Variants in GABRB1 observed in about 807,000 individuals in gnomAD.
The protein encoded by GABRB1 is gamma-aminobutyric acid type A receptor subunit beta1.
A neutral mutation model predicts 51.6 loss-of-function variants in GABRB1; 17 were observed. The ratio of observed to expected loss-of-function variants is 0.33; its 90% confidence interval spans 0.23 to 0.49. The LOEUF (loss-of-function observed/expected upper bound fraction) is 0.49. Ranked by LOEUF, GABRB1 falls within the 20% of genes least tolerant of loss-of-function variation. The probability of loss-of-function intolerance (pLI) is 0.99; values close to 1 mark genes in which losing one functional copy is unlikely to be tolerated. For missense variants in GABRB1, 410 were observed against 600.6 expected (o/e 0.68, Z 3.32); for synonymous variants, 247 against 218.9 (o/e 1.13, Z -1.14).
At chr4:47,081,336 T>C (rs1727833519) in intron 3 of GABRB1, among the ~76,000 whole-genome samples, 1 of 152,188 alleles carries the variant, frequency 6.6e-6, no homozygotes, top group South Asian at 2.1e-4. Flanking sequence ...TGCAGAATTA[T>C]GGTAACCTCA....
intron 4 of GABRB1, among the ~76,000 whole-genome samples, chr4:47,252,796 G>A (rs1304264250): frequency 6.6e-6 from 1 of 151,986 alleles, no homozygotes; most frequent in Admixed American, 6.6e-5. Context: ...GGGATTACAG[G>A]CATGAGCCAC....
intron 3 of GABRB1, among the ~76,000 whole-genome samples, chr4:47,084,985 G>C (rs1462887631): frequency 2.6e-5 from 4 of 152,100 alleles, no homozygotes; most frequent in African/African-American, 9.7e-5. Flanking sequence ...AGCCAAAAAA[G>C]GTGCAGCTGG....
At chr4:47,298,351 C>T (rs1171155895) in intron 4 of GABRB1, among the ~76,000 whole-genome samples, 2 of 151,726 alleles carry the variant, frequency 1.3e-5, no homozygotes, top group African/African-American at 4.8e-5. Flanking sequence ...ATCATCTCAG[C>T]CCAAAATCTC....
At chr4:47,009,253 T>C (rs1724512675) in intron 1 of GABRB1, among the ~76,000 whole-genome samples, 1 of 150,628 alleles carries the variant, frequency 6.6e-6, no homozygotes, top group African/African-American at 2.4e-5. Flanking sequence ...TTAAATTTTA[T>C]ATAAATTATG....
At chr4:47,268,294 A>G (rs1328790881) in intron 4 of GABRB1, among the ~76,000 whole-genome samples, 3 of 152,198 alleles carry the variant, frequency 2.0e-5, no homozygotes, top group Non-Finnish European at 4.4e-5. Flanking sequence ...GAATTGTTAG[A>G]CACCCTGTTG....
chr4:47,151,680 T>A (rs1380475170), intron 3 of GABRB1, among the ~76,000 whole-genome samples: 1 of 152,056 alleles, frequency 6.6e-6, no homozygotes, highest in African/African-American at 2.4e-5. Flanking sequence ...ATGGAAACAC[T>A]AATATCCTAT....
At chr4:47,138,427 A>G (rs1032454960) in intron 3 of GABRB1, among the ~76,000 whole-genome samples, 7 of 152,054 alleles carry the variant, frequency 4.6e-5, no homozygotes, top group Admixed American at 3.9e-4. Flanking sequence ...CAGTCTATGC[A>G]GTTCTGATGG....
chr4:47,357,215 C>T (rs975962934), intron 5 of GABRB1, among the ~76,000 whole-genome samples: 1 of 152,172 alleles, frequency 6.6e-6, no homozygotes, highest in Non-Finnish European at 1.5e-5. Context: ...TAAACCAATT[C>T]AACACATACA....
chr4:47,124,365 G>T (rs1236739927), intron 3 of GABRB1, among the ~76,000 whole-genome samples: 1 of 152,084 alleles, frequency 6.6e-6, no homozygotes, highest in African/African-American at 2.4e-5. Context: ...GCATGAGAAG[G>T]TCTGTACCTG....
intron 5 of GABRB1, among the ~76,000 whole-genome samples, chr4:47,387,052 G>A (rs1278790363): frequency 6.6e-6 from 1 of 152,134 alleles, no homozygotes; most frequent in Non-Finnish European, 1.5e-5. Context: ...AATCTTACAG[G>A]GCTCTGTCTT....
chr4:47,268,257 A>T (rs1722718352), intron 4 of GABRB1, among the ~76,000 whole-genome samples: 1 of 152,208 alleles, frequency 6.6e-6, no homozygotes, highest in South Asian at 2.1e-4. Context: ...AACAAAATGA[A>T]ATAGTAAACT....
chr4:47,407,001 T>G lies in GABRB1; in HGVS notation c.1080+75T>G, dbSNP rs1728597584. Reference sequence around the variant, plus strand: ...CATGATGCCTCGGGCTCTCATAACTTAAAAACGATTAATAAAAAAATAGTT... The same window carrying G: ...CATGATGCCTCGGGCTCTCATAACTGAAAAACGATTAATAAAAAAATAGTT... On this transcript the variant is annotated intron_variant, in intron 8 of 8. Coordinates refer to ENST00000295454, the MANE Select transcript of GABRB1 (RefSeq NM_000812.4). 3.0e-6 allele frequency: 4 copies of G among 1,345,082 alleles called. No homozygotes were observed. In the South Asian group the frequency reaches 5.5e-5, roughly 18 times the overall value. The allele number at this position is 1,345,082 out of a possible 1,614,324, so 83.3% of individuals were successfully genotyped here.
intron 3 of GABRB1, among the ~76,000 whole-genome samples, chr4:47,046,535 T>C (rs923703879): frequency 6.6e-6 from 1 of 152,036 alleles, no homozygotes; most frequent in Non-Finnish European, 1.5e-5. Context: ...GAAGTCATAA[T>C]TGACCACTAA....
chr4:47,023,917 GTTCTT>G (rs1725008340), intron 1 of GABRB1, among the ~76,000 whole-genome samples: 1 of 151,702 alleles, frequency 6.6e-6, no homozygotes, highest in African/African-American at 2.4e-5. Flanking sequence ...CTTTTTCTCT[GTTCTT>G]TTCTTATGTA....
intron 4 of GABRB1, among the ~76,000 whole-genome samples, chr4:47,313,136 A>C (rs1724766636): frequency 6.6e-6 from 1 of 152,172 alleles, no homozygotes; most frequent in South Asian, 2.1e-4. Flanking sequence ...AATGTCAATA[A>C]ATTGGGATTA....
chr4:47,036,250 G>A (rs1026077696), intron 3 of GABRB1, among the ~76,000 whole-genome samples: 5 of 152,148 alleles, frequency 3.3e-5, no homozygotes, highest in Non-Finnish European at 5.9e-5. Context: ...CACTGTTTCT[G>A]TTGTTGTGGT....
At chr4:47,223,028 G>C (rs550968871) in intron 4 of GABRB1, among the ~76,000 whole-genome samples, 1 of 152,092 alleles carries the variant, frequency 6.6e-6, no homozygotes, top group South Asian at 2.1e-4. Context: ...AGTACCCCAG[G>C]TTCTTCATAG....
At chr4:47,210,728 T>C (rs879517176) in intron 4 of GABRB1, among the ~76,000 whole-genome samples, 5 of 152,216 alleles carry the variant, frequency 3.3e-5, no homozygotes, top group Non-Finnish European at 7.3e-5. Context: ...GAGACTTTCC[T>C]ATGAACCAGA....
rs200129765 is a variant in GABRB1 at position 47,425,852 on chromosome 4, G to A, written c.1259G>A (p.Arg420Gln). 40 of 1,613,956 alleles carry A rather than the reference G, an allele frequency of 2.5e-5. No individual in the cohort carries two copies. Among genetic ancestry groups the A allele is most frequent in the Non-Finnish European group, 2.9e-5 (34 of 1,180,012 alleles). Residue 420 changes from arginine to glutamine, a missense_variant, in exon 9 of 9, where the codon CGG becomes CAG. Coordinates refer to ENST00000295454, the MANE Select transcript of GABRB1 (RefSeq NM_000812.4). ...GAGGCCTACGGGCGCGCCCTGGACC[G>A]GCACGGGGTACCCAGCAAGGGGCGC... ...SREAYGRALD[R>Q]HGVPSKGRIR...
Sources: allele counts gnomAD v4.1 joint callset (sites outside exome capture counted in the v4.1 genomes callset), GRCh38; gene constraint gnomAD v4.1.1; transcripts MANE v1.5; gene names NCBI Gene and HGNC (gene_info 2026-07-23, HGNC 2026-07-21).